Variants in QRFPR observed in about 807,000 individuals in gnomAD.
QRFPR encodes pyroglutamylated RFamide peptide receptor, also known as pyroglutamylated RF-amide peptide receptor.
In QRFPR, 37 loss-of-function variants were observed where a neutral mutation model predicts 31.3. That is an observed-to-expected ratio of 1.18 (90% confidence interval 0.91 to 1.56). The LOEUF is 1.56. Among genes scored for constraint, QRFPR ranks in the 40% most tolerant of loss-of-function variants. The pLI is 0.00. For synonymous variants in QRFPR, 197 were observed against 192.0 expected (o/e 1.03, Z -0.22); for missense variants, 542 against 532.5 (o/e 1.02, Z -0.18).
chr4:121,364,523 C>T (rs1726050533), intron 1 of QRFPR, among the ~76,000 whole-genome samples: 1 of 148,766 alleles, frequency 6.7e-6, no homozygotes, highest in Non-Finnish European at 1.5e-5. Context: ...GCCTATAGTC[C>T]CAGCTACTCT....
At position 121,329,425 on chromosome 4, in the gene QRFPR, G is replaced by A. The variant is rs1289358302; in HGVS notation, c.1185C>T (p.Asn395=). ...ETKGEAFSDG[N]IEVKLCEQTE... ...TCTGTTCACACAATTTGACTTCAAT[G>A]TTGCCATCACTGAATGCTTCTCCTT... The change falls in exon 6 of 6, where the codon AAC becomes AAT. Residue 395 remains asparagine (N), a synonymous_variant. Transcript: ENST00000394427. 1.9e-6 allele frequency: 3 copies of A among 1,614,092 alleles called. No individual in the cohort carries two copies. The highest frequency in any genetic ancestry group is 2.5e-6 in the Non-Finnish European group (3 of 1,179,982).
chr4:121,340,160 T>C (rs1448399680), intron 2 of QRFPR: 1 of 306,594 alleles, frequency 3.3e-6, no homozygotes, highest in Non-Finnish European at 6.1e-6. Context: ...TGAGTGTTAA[T>C]GTGGCAATGC....
At chr4:121,337,829 C>G (rs1195650279) in intron 2 of QRFPR, among the ~76,000 whole-genome samples, 1 of 152,136 alleles carries the variant, frequency 6.6e-6, no homozygotes, top group African/African-American at 2.4e-5. Flanking sequence ...TAATGATGTA[C>G]TCTTAGAAAA....
chr4:121,366,364 T>C (rs540473929), intron 1 of QRFPR, among the ~76,000 whole-genome samples: 13 of 150,276 alleles, frequency 8.7e-5, no homozygotes, highest in African/African-American at 3.2e-4. Context: ...AGTGGAGGAA[T>C]CTGTTTCCCT....
In QRFPR at chr4:121,365,249, C is replaced by T. The variant is rs183364913; in HGVS notation, c.340+15059G>A. Among the ~76,000 whole-genome samples the T allele has an allele frequency of 4.1e-5, 6 of 145,874 alleles. No homozygotes were observed. The South Asian group carries it at 1.3e-3, about 32-fold the overall frequency. On this transcript the variant is annotated intron_variant, in intron 1 of 5. Transcript: ENST00000394427. Reference sequence around the variant, plus strand: ...TGGGCGGATCATGAGGTCAGGAGATCGAGACTATCCTGGCTAACACAGTGA... The same window carrying T: ...TGGGCGGATCATGAGGTCAGGAGATTGAGACTATCCTGGCTAACACAGTGA...
intron 1 of QRFPR, among the ~76,000 whole-genome samples, chr4:121,349,488 A>G (rs1725722958): frequency 6.6e-6 from 1 of 152,140 alleles, no homozygotes; most frequent in Non-Finnish European, 1.5e-5. Context: ...TAATTTCAGC[A>G]ATATTTTTAT....
chr4:121,339,009 T>G (rs1458851928), intron 2 of QRFPR, among the ~76,000 whole-genome samples: 1 of 152,212 alleles, frequency 6.6e-6, no homozygotes, highest in East Asian at 1.9e-4. Context: ...GAATTCTTAG[T>G]AGGAAAGATA....
intron 3 of QRFPR, among the ~76,000 whole-genome samples, chr4:121,336,089 C>T (rs756276488): frequency 6.6e-6 from 1 of 152,186 alleles, no homozygotes; most frequent in Non-Finnish European, 1.5e-5. Context: ...ATTTGCCTAT[C>T]TCTACTTTAA....
intron 5 of QRFPR, 76 bp from the exon 6 acceptor site, chr4:121,329,790 A>C (rs1252826564): frequency 3.8e-6 from 4 of 1,063,578 alleles, no homozygotes; most frequent in Non-Finnish European, 5.2e-6. Context: ...GTCACCTGTC[A>C]AAGACTTAAA....
At chr4:121,331,356 A>T (rs550034236) in intron 4 of QRFPR, among the ~76,000 whole-genome samples, 1 of 150,632 alleles carries the variant, frequency 6.6e-6, no homozygotes, top group African/African-American at 2.4e-5. Flanking sequence ...GCTAATTTTT[A>T]AATTTTTTGT....
At chr4:121,364,686 T>G (rs928454326) in intron 1 of QRFPR, among the ~76,000 whole-genome samples, 4 of 149,198 alleles carry the variant, frequency 2.7e-5, no homozygotes, top group Admixed American at 6.7e-5. Flanking sequence ...TTTTGAAATA[T>G]GTAATTAAAG....
At chr4:121,370,077 ACT>A in intron 1 of QRFPR, 1 of 772,190 alleles carries the variant, frequency 1.3e-6, no homozygotes, top group Admixed American at 1.7e-5. Flanking sequence ...GCTTGTCCAC[ACT>A]GTCAATGGCC....
intron 1 of QRFPR, among the ~76,000 whole-genome samples, chr4:121,352,319 T>C (rs953959673): frequency 3.9e-5 from 6 of 152,220 alleles, no homozygotes; most frequent in African/African-American, 1.2e-4. Context: ...TGGATTTCTT[T>C]ATCCTCCTCA....
In QRFPR at chr4:121,332,936, T is replaced by C. The variant is rs942376930; in HGVS notation, c.682A>G (p.Met228Val). The C allele has an allele frequency of 1.9e-6, 3 of 1,613,902 alleles. No homozygotes were observed. The highest frequency in any genetic ancestry group is 2.5e-6 in the Non-Finnish European group (3 of 1,179,930). Residue 228 changes from methionine (M) to valine (V), a missense_variant, in exon 4 of 6, where the codon ATG becomes GTG. Met to Val is a conservative substitution (Grantham distance 21, BLOSUM62 1). Coordinates refer to ENST00000394427, the MANE Select transcript of QRFPR (RefSeq NM_198179.3). ...TTACTGTACAGAATAAGCATCACCA[T>C]AAGAGGCAGGAGGAAGAGGATGACA... Reference protein sequence around the residue: ...ILVILFLLPLMVMLILYSKIG... With the variant: ...ILVILFLLPLVVMLILYSKIG...
intron 1 of QRFPR, among the ~76,000 whole-genome samples, chr4:121,374,054 T>G (rs1248073560): frequency 2.0e-5 from 3 of 152,180 alleles, no homozygotes. Context: ...TGTGGTGAGG[T>G]GTGCTAATTT....
At chr4:121,348,442 T>A (rs1216113233) in intron 1 of QRFPR, among the ~76,000 whole-genome samples, 1 of 152,174 alleles carries the variant, frequency 6.6e-6, no homozygotes, top group African/African-American at 2.4e-5. Context: ...AGAAGACCAC[T>A]GACTTCCAAT....
intron 1 of QRFPR, among the ~76,000 whole-genome samples, chr4:121,379,576 C>A (rs757208710): frequency 6.6e-6 from 1 of 152,178 alleles, no homozygotes; most frequent in Non-Finnish European, 1.5e-5. Context: ...CCAACCTCCA[C>A]ACACTGCTCC....
At chr4:121,345,448 T>C (rs899789031) in intron 1 of QRFPR, among the ~76,000 whole-genome samples, 5 of 152,254 alleles carry the variant, frequency 3.3e-5, no homozygotes, top group Non-Finnish European at 7.3e-5. Context: ...GTAGACTTAT[T>C]TGATATACTT....
chr4:121,348,684 G>C (rs1725703557), intron 1 of QRFPR, among the ~76,000 whole-genome samples: 1 of 152,038 alleles, frequency 6.6e-6, no homozygotes, highest in Non-Finnish European at 1.5e-5. Flanking sequence ...GCTGTAGTTT[G>C]ACTTAAATTC....
Sources: gnomAD v4.1 joint callset for allele counts (sites outside exome capture counted in the v4.1 genomes callset) on GRCh38, gnomAD v4.1.1 for gene constraint, MANE v1.5 for transcripts, NCBI Gene and HGNC (gene_info 2026-07-23, HGNC 2026-07-21) for gene names.